The following PUS7L variants were observed in gnomAD, a reference collection of about 807,000 sequenced individuals.
PUS7L encodes the protein pseudouridine synthase 7 like.
Under a neutral mutation model 51.1 loss-of-function variants are expected in PUS7L, and 49 were observed. That is an observed-to-expected ratio of 0.96 (90% CI 0.76 to 1.22). PUS7L has a LOEUF of 1.22. Ranked by LOEUF, PUS7L falls within the 50% of genes most tolerant of loss-of-function variation. PUS7L has a pLI of 0.00. For synonymous variants in PUS7L, 277 were observed against 276.2 expected (o/e 1.00, Z -0.03); for missense variants, 828 against 820.6 (o/e 1.01, Z -0.11).
At chr12:43,734,980 T>C (rs1944649486) in intron 7 of PUS7L, among the ~76,000 whole-genome samples, 1 of 152,204 alleles carries the variant, frequency 6.6e-6, no homozygotes, top group African/African-American at 2.4e-5. Context: ...CCTTGCATGA[T>C]TTATGGAACC....
intron 2 of PUS7L, among the ~76,000 whole-genome samples, chr12:43,751,699 T>A (rs373560018): frequency 6.6e-6 from 1 of 152,204 alleles, no homozygotes; most frequent in Non-Finnish European, 1.5e-5. Flanking sequence ...TTATAATCCT[T>A]TGGGTATATA....
chr12:43,747,953 A>G (rs1938249607), intron 3 of PUS7L, among the ~76,000 whole-genome samples: 1 of 151,854 alleles, frequency 6.6e-6, no homozygotes, highest in Non-Finnish European at 1.5e-5. Context: ...ACATCCAGCT[A>G]ATTTTTTATA....
In PUS7L at chr12:43,730,696, GA is replaced by G. The variant is rs1944532482; in HGVS notation, c.1785del (p.Leu596PhefsTer15). 1 of 1,584,662 alleles carries G rather than the reference GA, an allele frequency of 6.3e-7. No individual in the cohort carries two copies. Among genetic ancestry groups the G allele is most frequent in the African/African-American group, 1.4e-5 (1 of 73,964 alleles). ...TGAATATTGTATCCAAGTACTGGAA[GA>G]ACCACCTGTGAAAGAAAAGAGGGAA... ...SANMYAIHQV[V>X]LPVLGYNIQY... On this transcript the variant is annotated frameshift_variant, in exon 9 of 9. Transcript: ENST00000344862. LOFTEE classifies it low-confidence loss of function (END_TRUNC).
Position 43,729,016 on chromosome 12 carries a change from T to C in PUS7L, c.*1360A>G, listed in dbSNP as rs1185011655. The C allele has an allele frequency of 2.7e-6, 1 of 373,398 alleles. No individual in the cohort carries two copies. Among genetic ancestry groups the C allele is most frequent in the Non-Finnish European group, 4.8e-6 (1 of 209,664 alleles). The allele number at this position is 373,398 out of a possible 1,614,324, so 23.1% of individuals were successfully genotyped here. A position where few individuals can be genotyped will look rare whatever the true frequency, so the allele number is the denominator to read the frequency against. Reference sequence around the variant, plus strand: ...TAACATGTCTCTTATTTGTGAAAGATGAATTCAGAGTATTATTGCAGTTGT... The same window carrying C: ...TAACATGTCTCTTATTTGTGAAAGACGAATTCAGAGTATTATTGCAGTTGT... On this transcript the variant is annotated 3_prime_UTR_variant, in exon 9 of 9. Coordinates refer to ENST00000344862, the MANE Select transcript of PUS7L (RefSeq NM_031292.5).
At chr12:43,751,339 C>G (rs1161156900) in intron 2 of PUS7L, among the ~76,000 whole-genome samples, 1 of 102,074 alleles carries the variant, frequency 9.8e-6, no homozygotes, top group Non-Finnish European at 1.9e-5. Context: ...TAAGGCTATC[C>G]CTCCCCCCTC....
At chr12:43,748,182 T>C (rs1314840969) in intron 3 of PUS7L, among the ~76,000 whole-genome samples, 3 of 152,190 alleles carry the variant, frequency 2.0e-5, no homozygotes, top group Non-Finnish European at 4.4e-5. Flanking sequence ...TCTTTTACAG[T>C]AACAAAAAAA....
rs1220078478 is a variant in PUS7L, at chr12:43,723,552, T to C, written c.*6824A>G. The C allele has an allele frequency of 1.3e-5, 2 of 152,100 alleles. No individual in the cohort carries two copies. The highest frequency in any genetic ancestry group is 4.8e-5 in the African/African-American group (2 of 41,446). The allele number at this position is 152,100 out of a possible 1,614,324, so 9.4% of individuals were successfully genotyped here. A position where few individuals can be genotyped will look rare whatever the true frequency, so the allele number is the denominator to read the frequency against. ...TTTTCTCTTTACCATTTAGTCTGCA[T>C]ATTCCACTTGCAAGTGGCATTTCAA... On this transcript the variant is annotated 3_prime_UTR_variant, in exon 9 of 9. Coordinates refer to ENST00000344862, the MANE Select transcript of PUS7L (RefSeq NM_031292.5).
intron 5 of PUS7L, chr12:43,738,964 T>C (rs570578923): frequency 6.1e-6 from 1 of 164,904 alleles, no homozygotes; most frequent in South Asian, 2.0e-4. Context: ...TGAAAATATT[T>C]AATATTTAAA....
chr12:43,747,892 A>T (rs998612900), intron 3 of PUS7L, among the ~76,000 whole-genome samples: 2 of 151,970 alleles, frequency 1.3e-5, no homozygotes, highest in Non-Finnish European at 2.9e-5. Flanking sequence ...TATTCAAGCA[A>T]TTCTCCTGCC....
At chr12:43,750,095 T>G (rs548540134) in intron 2 of PUS7L, among the ~76,000 whole-genome samples, 4 of 152,318 alleles carry the variant, frequency 2.6e-5, no homozygotes, top group Admixed American at 2.6e-4. Flanking sequence ...TTGTCTTACT[T>G]CTATGCATTC....
At chr12:43,739,770 C>T (rs1225322731) in intron 5 of PUS7L, 2 of 151,990 alleles carry the variant, frequency 1.3e-5, no homozygotes, top group East Asian at 3.9e-4. Flanking sequence ...ATGGTTCTCC[C>T]TTAAAACTAA....
chr12:43,736,671 A>T lies in PUS7L; in HGVS notation c.1445-10T>A, dbSNP rs1944701432. On this transcript the variant is annotated splice_polypyrimidine_tract_variant and intron_variant, in intron 6 of 8. Transcript: ENST00000344862. ...GTGCCTTTAGCATCCTCTGAAACAA[A>T]GGGTAAATCAGGTATAGTTAGCCAC... is the stretch of plus-strand genomic sequence containing the variant. 6.2e-7 allele frequency: 1 copy of T among 1,609,608 alleles called. No homozygotes were observed. The highest frequency in any genetic ancestry group is 1.1e-5 in the South Asian group (1 of 90,686).
At position 43,728,834 on chromosome 12, in the gene PUS7L, A is replaced by T. The variant is rs1351387446; in HGVS notation, c.*1542T>A. On this transcript the variant is annotated 3_prime_UTR_variant, in exon 9 of 9. Transcript: ENST00000344862. The stretch of plus-strand genomic sequence containing the variant: ...CTTAGAAAATTCTCACAGTAATCCT[A>T]TGAGGTAGGCAATGTTAACATGCCC... 1 of 165,480 alleles carries T rather than the reference A, an allele frequency of 6.0e-6. No homozygotes were observed. Among genetic ancestry groups the T allele is most frequent in the Non-Finnish European group, 1.3e-5 (1 of 77,050 alleles). 10.3% of individuals were successfully genotyped at this position (165,480 alleles called of 1,614,324 possible).
chr12:43,722,550 A>G lies in PUS7L; in HGVS notation c.*7826T>C, dbSNP rs1944409468. The G allele has an allele frequency of 6.6e-6, 1 of 152,156 alleles. No homozygotes were observed. The highest frequency in any genetic ancestry group is 1.5e-5 in the Non-Finnish European group (1 of 67,958). 9.4% of individuals were successfully genotyped at this position (152,156 alleles called of 1,614,324 possible). A position where few individuals can be genotyped will look rare whatever the true frequency, so the allele number is the denominator to read the frequency against. ...TATTATTTACATAGAATAAAAATGT[A>G]TTCGATTCCTTTGCGATATTTTATA... On this transcript the variant is annotated 3_prime_UTR_variant, in exon 9 of 9. Transcript: ENST00000344862.
chr12:43,758,359 C>G, intron 1 of PUS7L: 1 of 985,588 alleles, frequency 1.0e-6, no homozygotes, highest in Non-Finnish European at 1.2e-6. Flanking sequence ...GAGACTGCTG[C>G]TGACAGTGGG....
chr12:43,750,502 T>C (rs1592178928), intron 2 of PUS7L, among the ~76,000 whole-genome samples: 1 of 152,194 alleles, frequency 6.6e-6, no homozygotes, highest in Non-Finnish European at 1.5e-5. Context: ...ATGTATAAGA[T>C]TTATAACATT....
chr12:43,733,129 C>T (rs1346436288), intron 7 of PUS7L, among the ~76,000 whole-genome samples: 2 of 151,952 alleles, frequency 1.3e-5, no homozygotes, highest in African/African-American at 4.8e-5. Context: ...TATAAATTCA[C>T]CTAAGTTTTT....
At position 43,736,535 on chromosome 12, in the gene PUS7L, T is replaced by C. The variant is rs1944694949; in HGVS notation, c.1571A>G (p.His524Arg). The C allele has an allele frequency of 1.9e-6, 3 of 1,614,074 alleles. No individual in the cohort carries two copies. Among genetic ancestry groups the C allele is most frequent in the African/African-American group, 1.3e-5 (1 of 74,898 alleles). The change falls in exon 7 of 9, where the codon CAT becomes CGT. Residue 524 changes from histidine (H) to arginine (R), a missense_variant. Coordinates refer to ENST00000344862, the MANE Select transcript of PUS7L (RefSeq NM_031292.5). ...GCIQAWFSLPHSMRIFYVHAY... is the reference protein window; with the variant it reads ...GCIQAWFSLPRSMRIFYVHAY... ...GTGAACATAGAATATGCGCATGGAA[T>C]GGGGTAAAGAGAACCATGCCTGGAT...
chr12:43,754,119 A>G (rs922835333), intron 2 of PUS7L, among the ~76,000 whole-genome samples: 1 of 152,194 alleles, frequency 6.6e-6, no homozygotes, highest in African/African-American at 2.4e-5. Flanking sequence ...TAATTTTTAA[A>G]TTCAGTGTAA....
Sources: allele counts gnomAD v4.1 joint callset (sites outside exome capture counted in the v4.1 genomes callset), GRCh38; gene constraint gnomAD v4.1.1; transcripts MANE v1.5; gene names NCBI Gene and HGNC (gene_info 2026-07-23, HGNC 2026-07-21).